Variants in NAF1 observed in about 807,000 individuals in gnomAD.
NAF1 encodes the protein H/ACA ribonucleoprotein complex non-core subunit NAF1.
In NAF1, 11 loss-of-function variants were observed where a neutral mutation model predicts 40.6. The ratio of observed to expected loss-of-function variants is 0.27; its 90% CI spans 0.17 to 0.45. NAF1 has a LOEUF of 0.45. Among genes scored for constraint, NAF1 ranks in the 20% least tolerant of loss-of-function variants. The probability of loss-of-function intolerance (pLI) is 1.00; values close to 1 mark genes in which losing one functional copy is unlikely to be tolerated. For synonymous variants in NAF1, 260 were observed against 228.5 expected (o/e 1.14, Z -1.24); for missense variants, 607 against 611.1 (o/e 0.99, Z 0.07).
chr4:163,152,408 G>A (rs1731747162), intron 2 of NAF1, among the ~76,000 whole-genome samples: 1 of 152,234 alleles, frequency 6.6e-6, no homozygotes, highest in East Asian at 1.9e-4. Flanking sequence ...ACCAAGATAA[G>A]GGAAAATATA....
chr4:163,145,875 A>C lies in NAF1; in HGVS notation c.635-11T>G. 22 of 1,237,650 alleles carry C rather than the reference A, an allele frequency of 1.8e-5. No individual in the cohort carries two copies. The highest frequency in any genetic ancestry group is 2.4e-5 in the Non-Finnish European group (21 of 861,258). The allele number at this position is 1,237,650 out of a possible 1,614,324, so 76.7% of individuals were successfully genotyped here. Reference sequence around the variant, plus strand: ...TAGATTCAATTATTACTGAAAAATAAAATAGATTACTTCAAGATTTACTTA... The same window carrying C: ...TAGATTCAATTATTACTGAAAAATACAATAGATTACTTCAAGATTTACTTA... On this transcript the variant is annotated splice_polypyrimidine_tract_variant and intron_variant, in intron 3 of 7. Transcript: ENST00000274054.
chr4:163,162,232 A>G (rs919561536), intron 2 of NAF1, among the ~76,000 whole-genome samples: 1 of 152,220 alleles, frequency 6.6e-6, no homozygotes, highest in African/African-American at 2.4e-5. Context: ...CTGTAACTAT[A>G]CACTATCCTT....
At chr4:163,116,610 C>T (rs759941558) in intron 2 of NAF1, among the ~76,000 whole-genome samples, 56 of 152,126 alleles carry the variant, frequency 3.7e-4, no homozygotes, top group Non-Finnish European at 7.8e-4. Context: ...AGGAATCCTA[C>T]AATAGTGGCT....
chr4:163,151,525 C>T (rs1731707115), intron 2 of NAF1, among the ~76,000 whole-genome samples: 1 of 151,992 alleles, frequency 6.6e-6, no homozygotes, highest in Non-Finnish European at 1.5e-5. Flanking sequence ...GAAAAACAAA[C>T]TTTAACATAT....
intron 2 of NAF1, among the ~76,000 whole-genome samples, chr4:163,111,810 C>T (rs1730167673): frequency 6.6e-6 from 1 of 151,956 alleles, no homozygotes; most frequent in Admixed American, 6.6e-5. Flanking sequence ...GAGAGTGAGC[C>T]GTGAACTAGG....
chr4:163,161,201 G>C (rs1055549418), intron 2 of NAF1, among the ~76,000 whole-genome samples: 1 of 152,054 alleles, frequency 6.6e-6, no homozygotes, highest in Non-Finnish European at 1.5e-5. Context: ...GTCCAGGCAC[G>C]GTGGCTCACG....
At chr4:163,134,089 T>C (rs1488108498) in intron 6 of NAF1, among the ~76,000 whole-genome samples, 1 of 152,184 alleles carries the variant, frequency 6.6e-6, no homozygotes, top group African/African-American at 2.4e-5. Context: ...TAGGATTCAT[T>C]GTTATAGTCC....
chr4:163,117,414 A>G (rs896756288), intron 2 of NAF1: 2 of 152,262 alleles, frequency 1.3e-5, no homozygotes, highest in Middle Eastern at 3.4e-3. Flanking sequence ...TTAAATTTCA[A>G]TGGCTCTCTA....
intron 2 of NAF1, among the ~76,000 whole-genome samples, chr4:163,118,687 A>G (rs1055706679): frequency 4.6e-5 from 7 of 152,332 alleles, no homozygotes; most frequent in African/African-American, 1.7e-4. Flanking sequence ...CGGGAGGTAG[A>G]GGCTGCAGTG....
At chr4:163,104,156 T>G in the NAF1 span, among the ~76,000 whole-genome samples, 47 of 152,078 alleles carry the variant, frequency 3.1e-4, no homozygotes, top group African/African-American at 1.1e-3. Flanking sequence ...AATCGCTCAG[T>G]TAAGGTGGGG....
intron 2 of NAF1, among the ~76,000 whole-genome samples, chr4:163,154,126 G>A (rs4123895): frequency 0.26 from 39,385 of 151,500 alleles, 5,464 homozygotes; most frequent in African/African-American, 0.36. Context: ...AACTCCAGAC[G>A]CACCACCTTA....
intron 2 of NAF1, chr4:163,157,232 G>T (rs1200532609): frequency 6.6e-6 from 1 of 151,750 alleles, no homozygotes; most frequent in Non-Finnish European, 1.5e-5. Flanking sequence ...GCTTACATTA[G>T]ATGATACATT....
intron 1 of NAF1, 40 bp downstream of exon 1, chr4:163,166,323 A>T: frequency 1.3e-6 from 2 of 1,532,394 alleles, no homozygotes; most frequent in South Asian, 2.5e-5. Flanking sequence ...CCGTCATACA[A>T]GACCTCTCCC....
downstream of NAF1, chr4:163,126,792 A>G: frequency 6.2e-6 from 4 of 644,108 alleles, no homozygotes; most frequent in Non-Finnish European, 9.6e-6. Flanking sequence ...ACTGCTATCT[A>G]TTAGGAGAAA....
downstream of NAF1, among the ~76,000 whole-genome samples, chr4:163,128,012 A>G (rs1730719127): frequency 6.6e-6 from 1 of 152,232 alleles, no homozygotes; most frequent in Non-Finnish European, 1.5e-5. Flanking sequence ...TTACTAAATG[A>G]AAACTGGAGT....
At chr4:163,159,377 G>GCACTTAT (rs1732126315) in intron 2 of NAF1, among the ~76,000 whole-genome samples, 1 of 152,034 alleles carries the variant, frequency 6.6e-6, no homozygotes, top group African/African-American at 2.4e-5. Flanking sequence ...TGCTATCAAA[G>GCACTTAT]TGTATTCTAA....
chr4:163,136,723 T>C (rs1371215434), intron 6 of NAF1, among the ~76,000 whole-genome samples: 1 of 152,160 alleles, frequency 6.6e-6, no homozygotes, highest in Non-Finnish European at 1.5e-5. Context: ...TTTAGAAAGG[T>C]AGTTATATCG....
chr4:163,161,996 C>T lies in NAF1; in HGVS notation c.540+2221G>A, dbSNP rs117832093. On this transcript the variant is annotated intron_variant, in intron 2 of 7. Coordinates refer to ENST00000274054, the MANE Select transcript of NAF1 (RefSeq NM_138386.3). ...CATTTTCCTACACATGCTCTCCTCA[C>T]TCTCTCCTACACACTCGCCTACACA... is the stretch of plus-strand genomic sequence containing the variant. Among the ~76,000 whole-genome samples the T allele has an allele frequency of 8.1e-4, 123 of 152,152 alleles. 3 individuals carry two copies. The South Asian group carries it at 0.017, about 21-fold the overall frequency.
intron 6 of NAF1, among the ~76,000 whole-genome samples, chr4:163,134,300 T>C (rs1730976744): frequency 6.6e-6 from 1 of 152,198 alleles, no homozygotes; most frequent in African/African-American, 2.4e-5. Context: ...AAATAAAATG[T>C]ATATGAAAGT....
Sources: allele counts gnomAD v4.1 joint callset (sites outside exome capture counted in the v4.1 genomes callset), GRCh38; gene constraint gnomAD v4.1.1; transcripts MANE v1.5; gene names NCBI Gene and HGNC (gene_info 2026-07-23, HGNC 2026-07-21).